Variants in SNTG1 observed in about 807,000 individuals in gnomAD.
The protein encoded by SNTG1 is syntrophin gamma 1.
SNTG1 carries 39 observed loss-of-function variants against 74.7 expected under a neutral mutation model. The observed-to-expected ratio is 0.52, with a 90% CI of 0.40 to 0.68. SNTG1 has a LOEUF of 0.68. Ranked by LOEUF, SNTG1 falls within the 30% of genes least tolerant of loss-of-function variation. SNTG1 has a pLI of 0.00. For synonymous variants in SNTG1, 254 were observed against 217.1 expected, an observed-to-expected ratio of 1.17 and a Z score of -1.49; for missense variants, 685 against 609.5, an observed-to-expected ratio of 1.12 and a Z score of -1.30.
intron 1 of SNTG1, among the ~76,000 whole-genome samples, chr8:50,138,911 ATAAAATT>A (rs2081569612): frequency 6.6e-6 from 1 of 152,136 alleles, no homozygotes; most frequent in Admixed American, 6.5e-5. Flanking sequence ...TACTGACTTT[ATAAAATT>A]TAAATTTTAT....
At chr8:50,502,173 T>A (rs1338857701) in intron 8 of SNTG1, among the ~76,000 whole-genome samples, 1 of 152,170 alleles carries the variant, frequency 6.6e-6, no homozygotes, top group Non-Finnish European at 1.5e-5. Flanking sequence ...CTATTGATAA[T>A]AACAGGTTTG....
intron 2 of SNTG1, among the ~76,000 whole-genome samples, chr8:50,259,877 A>T (rs1057472077): frequency 6.6e-6 from 1 of 152,158 alleles, no homozygotes; most frequent in Non-Finnish European, 1.5e-5. Context: ...AGAAATTTTC[A>T]TGAGACACAG....
At chr8:50,306,387 C>T (rs2130714560) in intron 2 of SNTG1, among the ~76,000 whole-genome samples, 1 of 152,056 alleles carries the variant, frequency 6.6e-6, no homozygotes, top group African/African-American at 2.4e-5. Context: ...CATATAATAA[C>T]TCCTTTTTCT....
chr8:50,602,299 T>TTTTTTTTTTTTTTTTTTTTTGAGACG (rs1211491315), intron 13 of SNTG1, among the ~76,000 whole-genome samples: 1 of 152,120 alleles, frequency 6.6e-6, no homozygotes, highest in African/African-American at 2.4e-5. Context: ...GTTTTCAATT[T>TTTTTTTTTTTTTTTTTTTTTGAGACG]GAGGTTGCCA....
At chr8:50,349,761 C>T (rs564735830) in intron 2 of SNTG1, among the ~76,000 whole-genome samples, 30 of 152,314 alleles carry the variant, frequency 2.0e-4, no homozygotes, top group African/African-American at 7.0e-4. Flanking sequence ...GTGCTGGCAG[C>T]CCTCGCAGCC....
At chr8:50,211,431 T>G (rs2084516728) in intron 2 of SNTG1, among the ~76,000 whole-genome samples, 1 of 152,154 alleles carries the variant, frequency 6.6e-6, no homozygotes, top group South Asian at 2.1e-4. Context: ...ACATTGTTTA[T>G]GTACTTGGTG....
intron 8 of SNTG1, among the ~76,000 whole-genome samples, chr8:50,469,173 T>G (rs534253435): frequency 1.8e-4 from 27 of 152,328 alleles, no homozygotes; most frequent in Non-Finnish European, 3.2e-4. Flanking sequence ...AGTGGAGAGT[T>G]CCTGGCAAGG....
At chr8:50,503,374 A>G (rs545376619) in intron 9 of SNTG1, among the ~76,000 whole-genome samples, 1 of 152,332 alleles carries the variant, frequency 6.6e-6, no homozygotes, top group East Asian at 1.9e-4. Flanking sequence ...AATGTATATT[A>G]TCTAATGCTT....
chr8:49,958,579 C>A (rs1266498824), intron 1 of SNTG1, among the ~76,000 whole-genome samples: 1 of 152,116 alleles, frequency 6.6e-6, no homozygotes, highest in African/African-American at 2.4e-5. Flanking sequence ...TGCCACCACG[C>A]CTGGCTAATT....
chr8:50,390,214 T>A (rs1207044388), intron 2 of SNTG1, among the ~76,000 whole-genome samples: 2 of 152,222 alleles, frequency 1.3e-5, no homozygotes, highest in African/African-American at 2.4e-5. Context: ...TTTATAGTTT[T>A]AGGTCTAACA....
intron 13 of SNTG1, among the ~76,000 whole-genome samples, chr8:50,601,790 T>A (rs181301788): frequency 1.1e-4 from 17 of 152,186 alleles, no homozygotes; most frequent in African/African-American, 4.1e-4. Flanking sequence ...TTACTTTCTA[T>A]ATCTGGGTGC....
At chr8:49,924,654 G>A (rs1269248167) in intron 1 of SNTG1, among the ~76,000 whole-genome samples, 4 of 151,902 alleles carry the variant, frequency 2.6e-5, no homozygotes, top group Non-Finnish European at 4.4e-5. Context: ...AGGGAGTTTA[G>A]ACATTAATTA....
chr8:50,158,884 TTTAA>T (rs368977835), intron 1 of SNTG1, among the ~76,000 whole-genome samples: 74 of 152,322 alleles, frequency 4.9e-4, no homozygotes, highest in African/African-American at 1.2e-3. Context: ...CACCTTTAAC[TTTAA>T]TAAATAATAC....
At chr8:50,229,331 G>A (rs1026686596) in intron 2 of SNTG1, among the ~76,000 whole-genome samples, 2 of 151,406 alleles carry the variant, frequency 1.3e-5, no homozygotes, top group Non-Finnish European at 3.0e-5. Context: ...ATACCCAAGT[G>A]TATGCTGATA....
chr8:50,412,522 A>G (rs1324490993), intron 4 of SNTG1, among the ~76,000 whole-genome samples: 2 of 152,214 alleles, frequency 1.3e-5, no homozygotes, highest in Non-Finnish European at 2.9e-5. Context: ...GTAAAAGAGA[A>G]TATGGTCTCT....
At chr8:50,080,276 T>A (rs565306975) in intron 1 of SNTG1, among the ~76,000 whole-genome samples, 1 of 152,322 alleles carries the variant, frequency 6.6e-6, no homozygotes, top group East Asian at 1.9e-4. Flanking sequence ...TTGATAAAAC[T>A]AGGCAAATTC....
intron 15 of SNTG1, among the ~76,000 whole-genome samples, chr8:50,668,025 A>G (rs1249127696): frequency 2.0e-5 from 3 of 152,162 alleles, no homozygotes; most frequent in East Asian, 1.9e-4. Flanking sequence ...AGGTTCAGCC[A>G]TTCCTCGTTC....
At chr8:49,947,235 G>A (rs796586718) in intron 1 of SNTG1, among the ~76,000 whole-genome samples, 11 of 152,244 alleles carry the variant, frequency 7.2e-5, no homozygotes, top group African/African-American at 2.6e-4. Flanking sequence ...GGGAGGCAGA[G>A]GTTGCAGTGA....
chr8:50,255,372 T>C (rs557926422), intron 2 of SNTG1, among the ~76,000 whole-genome samples: 1 of 152,316 alleles, frequency 6.6e-6, no homozygotes, highest in African/African-American at 2.4e-5. Context: ...AAGGATATTA[T>C]CACACTTTCC....
Sources: allele counts gnomAD v4.1 joint callset (sites outside exome capture counted in the v4.1 genomes callset), GRCh38; gene constraint gnomAD v4.1.1; transcripts MANE v1.5; gene names NCBI Gene and HGNC (gene_info 2026-07-23, HGNC 2026-07-21).